Variants in PLD1 observed in about 807,000 individuals in gnomAD.
The protein encoded by PLD1 is choline phosphatase 1.
In PLD1, 112 loss-of-function variants were observed where a neutral mutation model predicts 137.1. The ratio of observed to expected loss-of-function variants is 0.82; its 90% CI spans 0.70 to 0.96. The LOEUF (loss-of-function observed/expected upper bound fraction) is 0.96, where lower values mean the gene tolerates loss of function less well. Ranked by LOEUF, PLD1 falls within the 40% of genes least tolerant of loss-of-function variation. PLD1 has a pLI of 0.00. For missense variants in PLD1, 1,321 were observed against 1,342.0 expected, an observed-to-expected ratio of 0.98 and a Z score of 0.24; for synonymous variants, 431 against 454.7, an observed-to-expected ratio of 0.95 and a Z score of 0.66.
intron 21 of PLD1, among the ~76,000 whole-genome samples, chr3:171,656,573 C>T (rs1465506992): frequency 1.3e-5 from 2 of 152,250 alleles, no homozygotes; most frequent in African/African-American, 4.8e-5. Flanking sequence ...ATCTTTGGAA[C>T]AGTATAAAAT....
chr3:171,757,582 C>T (rs1056452643), intron 1 of PLD1, among the ~76,000 whole-genome samples: 2 of 152,040 alleles, frequency 1.3e-5, no homozygotes, highest in South Asian at 2.1e-4. Context: ...AATCACTTTC[C>T]GGATTTCACT....
At chr3:171,808,115 A>C (rs1470270700) in intron 1 of PLD1, among the ~76,000 whole-genome samples, 1 of 152,180 alleles carries the variant, frequency 6.6e-6, no homozygotes, top group Admixed American at 6.5e-5. Context: ...AAAAATTATC[A>C]GGTACTATGC....
In PLD1 at chr3:171,602,608, G is replaced by A; in HGVS notation, c.*470C>T. 5.9e-6 allele frequency: 1 copy of A among 169,060 alleles called. No individual in the cohort carries two copies. The highest frequency in any genetic ancestry group is 1.5e-4 in the South Asian group (1 of 6,740). 10.5% of individuals were successfully genotyped at this position (169,060 alleles called of 1,614,324 possible). A position where few individuals can be genotyped will look rare whatever the true frequency, so the allele number is the denominator to read the frequency against. ...CCATGTAACCATGAAGAATCTTGAAGCAGCATTACAACATCTAATAATAAA... is the reference window on the plus strand; with the variant it reads ...CCATGTAACCATGAAGAATCTTGAAACAGCATTACAACATCTAATAATAAA... On this transcript the variant is annotated 3_prime_UTR_variant, in exon 27 of 27. Coordinates refer to ENST00000351298, the MANE Select transcript of PLD1 (RefSeq NM_002662.5).
Position 171,746,200 on chromosome 3 carries a change from G to A in PLD1, c.-31-8118C>T, listed in dbSNP as rs145134818. On this transcript the variant is annotated intron_variant, in intron 1 of 26. Transcript: ENST00000351298. Reference sequence around the variant, plus strand: ...GCTCCCGCACAGCCGGAGCCTCCACGGGCACCACCCCCTGCTCCACAGCAC... The same window carrying A: ...GCTCCCGCACAGCCGGAGCCTCCACAGGCACCACCCCCTGCTCCACAGCAC... 5.9e-3 allele frequency among the ~76,000 whole-genome samples: 904 copies of A among 152,276 alleles called. 6 individuals carry two copies. Among genetic ancestry groups the A allele is most frequent in the Non-Finnish European group, 9.1e-3 (617 of 68,006 alleles).
intron 16 of PLD1, among the ~76,000 whole-genome samples, chr3:171,682,159 A>AGAAG (rs772315694): frequency 2.0e-5 from 1 of 49,070 alleles, no homozygotes; most frequent in East Asian, 3.8e-4. Flanking sequence ...AAAGAAAGAA[A>AGAAG]GAAAGAAAAA....
intron 1 of PLD1, among the ~76,000 whole-genome samples, chr3:171,747,084 G>A (rs1720273767): frequency 6.6e-6 from 1 of 152,094 alleles, no homozygotes; most frequent in African/African-American, 2.4e-5. Context: ...TCAAGGAGCA[G>A]GTCTGCAGCT....
At chr3:171,756,985 T>G (rs1334248627) in intron 1 of PLD1, among the ~76,000 whole-genome samples, 1 of 152,072 alleles carries the variant, frequency 6.6e-6, no homozygotes, top group Non-Finnish European at 1.5e-5. Context: ...GTTGTAAAAA[T>G]CAATCAATAT....
intron 1 of PLD1, chr3:171,809,929 G>C (rs1724044719): frequency 6.6e-6 from 1 of 152,292 alleles, no homozygotes; most frequent in Non-Finnish European, 1.5e-5. Context: ...GGCTGGGCTC[G>C]AAGCCTTGGG....
chr3:171,735,364 G>A (rs1719277090), intron 4 of PLD1, 128 bp downstream of exon 4: 4 of 766,750 alleles, frequency 5.2e-6, no homozygotes, highest in South Asian at 4.9e-5. Flanking sequence ...TCAAACTCAT[G>A]ACCTCAACTG....
chr3:171,801,867 A>G (rs1723661705), intron 1 of PLD1, among the ~76,000 whole-genome samples: 1 of 152,238 alleles, frequency 6.6e-6, no homozygotes, highest in African/African-American at 2.4e-5. Context: ...CGATACTTTC[A>G]TGTTTAATCG....
intron 20 of PLD1, among the ~76,000 whole-genome samples, chr3:171,660,543 C>T (rs1447775278): frequency 1.3e-5 from 2 of 152,030 alleles, no homozygotes; most frequent in Non-Finnish European, 2.9e-5. Context: ...ACCTACATGG[C>T]GTTACTGACA....
chr3:171,774,993 G>A (rs577035017), intron 1 of PLD1, among the ~76,000 whole-genome samples: 1 of 152,336 alleles, frequency 6.6e-6, no homozygotes, highest in East Asian at 1.9e-4. Flanking sequence ...AGGAGCAGCT[G>A]CAGCTGGGGG....
chr3:171,773,705 C>T (rs1468468362), intron 1 of PLD1, among the ~76,000 whole-genome samples: 3 of 152,174 alleles, frequency 2.0e-5, no homozygotes, highest in Non-Finnish European at 4.4e-5. Flanking sequence ...TTTATAAGTA[C>T]CAACTCATTT....
chr3:171,701,066 G>A (rs1359360914), intron 11 of PLD1, among the ~76,000 whole-genome samples: 8 of 152,168 alleles, frequency 5.3e-5, no homozygotes, highest in African/African-American at 1.9e-4. Flanking sequence ...GAAATCAACA[G>A]TGCTTTAAGG....
chr3:171,776,856 C>T (rs1040483934), intron 1 of PLD1, among the ~76,000 whole-genome samples: 2 of 152,116 alleles, frequency 1.3e-5, no homozygotes, highest in African/African-American at 4.8e-5. Context: ...ACTGAAGGCG[C>T]GTGTGATAGC....
intron 1 of PLD1, among the ~76,000 whole-genome samples, chr3:171,738,895 G>C (rs1281925546): frequency 1.3e-5 from 2 of 152,152 alleles, no homozygotes; most frequent in Admixed American, 6.5e-5. Flanking sequence ...TGTCATCAGA[G>C]TTGGATGAAA....
Position 171,686,743 on chromosome 3 carries a change from G to T in PLD1, c.1809C>A (p.His603Gln), listed in dbSNP as rs1714601969. ...CACTGGACGGGTGAAAGAGTTTGAAGTGGGGTTTTAAACCATGGATTAAAT... is the reference window on the plus strand; with the variant it reads ...CACTGGACGGGTGAAAGAGTTTGAATTGGGGTTTTAAACCATGGATTAAAT... ...HHNLIHGLKP[H>Q]FKLFHPSSES... The change falls in exon 16 of 27, where the codon CAC (histidine) becomes CAA (glutamine). Residue 603 changes from histidine (H) to glutamine (Q), a missense_variant. Transcript: ENST00000351298. 2 of 1,609,514 alleles carry T rather than the reference G, an allele frequency of 1.2e-6. No homozygotes were observed. Among genetic ancestry groups the T allele is most frequent in the African/African-American group, 1.3e-5 (1 of 74,948 alleles).
chr3:171,625,135 G>A (rs925079979), intron 23 of PLD1, among the ~76,000 whole-genome samples: 5 of 151,938 alleles, frequency 3.3e-5, no homozygotes, highest in South Asian at 2.1e-4. Flanking sequence ...CTGGAAAATC[G>A]GGTCACTCCC....
At chr3:171,670,903 G>T (rs1391309830) in intron 19 of PLD1, among the ~76,000 whole-genome samples, 1 of 152,074 alleles carries the variant, frequency 6.6e-6, no homozygotes, top group Non-Finnish European at 1.5e-5. Flanking sequence ...ATTTTGTGAG[G>T]GATCATAACT....
Sources: gnomAD v4.1 joint callset for allele counts (sites outside exome capture counted in the v4.1 genomes callset) on GRCh38, gnomAD v4.1.1 for gene constraint, MANE v1.5 for transcripts, NCBI Gene and HGNC (gene_info 2026-07-23, HGNC 2026-07-21) for gene names.